QTGAL: variants seen among roughly 807,000 people sequenced by gnomAD.
QTGAL encodes the protein queuosine-tRNA galactosyltransferase.
the QTGAL span, among the ~76,000 whole-genome samples, chr17:82,967,529 G>A: frequency 5.3e-5 from 8 of 152,074 alleles, no homozygotes; most frequent in African/African-American, 1.7e-4. Flanking sequence ...GGAGACATTC[G>A]GGGCTGTCAC....
the QTGAL span, chr17:83,030,855 G>A: frequency 2.0e-5 from 3 of 152,252 alleles, no homozygotes; most frequent in Non-Finnish European, 2.9e-5. Flanking sequence ...CAGTGAAGAC[G>A]GGAGTCGGGG....
At chr17:83,044,565 C>G in the QTGAL span, among the ~76,000 whole-genome samples, 17 of 152,240 alleles carry the variant, frequency 1.1e-4, no homozygotes, top group Non-Finnish European at 1.9e-4. Context: ...TTTTCCCCTA[C>G]AATTGCTTGG....
At chr17:82,989,242 G>A in the QTGAL span, among the ~76,000 whole-genome samples, 1 of 151,868 alleles carries the variant, frequency 6.6e-6, no homozygotes, top group African/African-American at 2.4e-5. Context: ...AACCAAAACA[G>A]GAACAGAAAC....
At chr17:83,014,343 C>G in the QTGAL span, 1 of 1,188,840 alleles carries the variant, frequency 8.4e-7, no homozygotes, top group South Asian at 1.4e-5. Context: ...CGTGACTTGA[C>G]AGTCTCACCA....
chr17:82,994,632 T>C, the QTGAL span, among the ~76,000 whole-genome samples: 2 of 152,204 alleles, frequency 1.3e-5, no homozygotes, highest in African/African-American at 2.4e-5. Flanking sequence ...AAAGAACTAA[T>C]ACCAATCCTA....
chr17:83,019,298 C>T, the QTGAL span, among the ~76,000 whole-genome samples: 9 of 151,998 alleles, frequency 5.9e-5, no homozygotes, highest in African/African-American at 9.7e-5. Flanking sequence ...ATGGCCAGTG[C>T]GCAAAGACAG....
chr17:82,964,598 A>C, the QTGAL span, among the ~76,000 whole-genome samples: 1 of 121,072 alleles, frequency 8.3e-6, no homozygotes, highest in Non-Finnish European at 1.6e-5. Context: ...CACGGGGAGG[A>C]CGGAGACATG....
the QTGAL span, among the ~76,000 whole-genome samples, chr17:82,967,699 T>G: frequency 1.4e-4 from 22 of 152,022 alleles, no homozygotes; most frequent in Admixed American, 5.2e-4. Context: ...TCCCAGCACT[T>G]TGGGAGTCCG....
chr17:83,043,229 GGT>G, the QTGAL span, among the ~76,000 whole-genome samples: 4,395 of 152,268 alleles, frequency 0.029, 218 homozygotes, highest in African/African-American at 0.1. Flanking sequence ...CACATTCTCA[GGT>G]GTGCACAGCG....
the QTGAL span, among the ~76,000 whole-genome samples, chr17:83,040,882 G>T: frequency 6.6e-6 from 1 of 152,080 alleles, no homozygotes; most frequent in Non-Finnish European, 1.5e-5. Flanking sequence ...TGGCCAACAC[G>T]GTGAAACCCC....
chr17:83,011,206 G>A, the QTGAL span, among the ~76,000 whole-genome samples: 1 of 152,256 alleles, frequency 6.6e-6, no homozygotes, highest in African/African-American at 2.4e-5. Context: ...GGAGGAGGAA[G>A]GACGGGGGTT....
At chr17:83,037,262 C>A in the QTGAL span, among the ~76,000 whole-genome samples, 3 of 152,204 alleles carry the variant, frequency 2.0e-5, no homozygotes, top group Non-Finnish European at 2.9e-5. The surrounding 1 kb of genome is among the most constrained non-coding windows in gnomAD (Gnocchi z 5.2). Flanking sequence ...CCCACGGGGG[C>A]TGCCCTGTTC....
chr17:82,961,040 G>A, the QTGAL span: 706 of 1,602,016 alleles, frequency 4.4e-4, 2 homozygotes, highest in African/African-American at 7.8e-3. Context: ...TCCCGGGGCC[G>A]GGCGGGGCTG....
chr17:82,960,138 C>T, the QTGAL span, among the ~76,000 whole-genome samples: 565 of 152,268 alleles, frequency 3.7e-3, 3 homozygotes, highest in Non-Finnish European at 6.7e-3. Context: ...ACGCGGGAGG[C>T]CCCAGCATGC....
the QTGAL span, among the ~76,000 whole-genome samples, chr17:83,042,910 T>C: frequency 6.6e-6 from 1 of 152,088 alleles, no homozygotes; most frequent in African/African-American, 2.4e-5. Context: ...TGTACTAATA[T>C]CAGAAAAAAT....
the QTGAL span, among the ~76,000 whole-genome samples, chr17:83,039,841 A>G: frequency 2.6e-5 from 4 of 152,190 alleles, no homozygotes; most frequent in East Asian, 7.7e-4. Flanking sequence ...GCAGGAGAAG[A>G]GCTGGGGCCA....
chr17:83,047,968 TTTCA>T, the QTGAL span, among the ~76,000 whole-genome samples: 2 of 152,180 alleles, frequency 1.3e-5, no homozygotes, highest in Non-Finnish European at 2.9e-5. Flanking sequence ...TTTCTCTTTC[TTTCA>T]TTTTCTCTCC....
chr17:82,977,283 C>T, the QTGAL span, among the ~76,000 whole-genome samples: 5 of 152,332 alleles, frequency 3.3e-5, no homozygotes, highest in African/African-American at 9.6e-5. Context: ...CGCCCCGACA[C>T]GGACCGTGTT....
the QTGAL span, among the ~76,000 whole-genome samples, chr17:82,984,588 GGTCGTGC>G: frequency 2.0e-5 from 3 of 151,450 alleles, no homozygotes; most frequent in African/African-American, 2.4e-5. Context: ...GAGGCTACAG[GGTCGTGC>G]AGGGAAAGGG....
Sources: gnomAD v4.1 joint callset for allele counts (sites outside exome capture counted in the v4.1 genomes callset) on GRCh38, gnomAD v4.1.1 for gene constraint, Gnocchi (gnomAD v3.1) non-coding constraint, MANE v1.5 for transcripts, NCBI Gene and HGNC (gene_info 2026-07-23, HGNC 2026-07-21) for gene names.